TGFA: variants seen among roughly 807,000 people sequenced by gnomAD.
TGFA encodes the protein protransforming growth factor alpha.
Under a neutral mutation model 21.7 loss-of-function variants are expected in TGFA, and 12 were observed. The ratio of observed to expected loss-of-function variants is 0.55; its 90% CI spans 0.35 to 0.90. The LOEUF (loss-of-function observed/expected upper bound fraction) is 0.90, where lower values mean the gene tolerates loss of function less well. TGFA is among the 40% of genes least tolerant of loss of function. The pLI, the probability that TGFA is intolerant of heterozygous loss-of-function variation, is 0.01. For missense variants in TGFA, 178 were observed against 210.8 expected, an observed-to-expected ratio of 0.84 and a Z score of 0.96; for synonymous variants, 79 against 88.1, an observed-to-expected ratio of 0.90 and a Z score of 0.58.
chr2:70,548,927 C>T (rs1363408397), intron 1 of TGFA, among the ~76,000 whole-genome samples: 2 of 152,138 alleles, frequency 1.3e-5, no homozygotes, highest in African/African-American at 4.8e-5. Flanking sequence ...TTATACTTGA[C>T]ATTTCCTAGG....
At chr2:70,451,519 G>A (rs2103652335) in intron 5 of TGFA, among the ~76,000 whole-genome samples, 1 of 152,226 alleles carries the variant, frequency 6.6e-6, no homozygotes, top group South Asian at 2.1e-4. Context: ...CTTCAGCCCA[G>A]GTTGCCATCT....
chr2:70,477,658 A>T (rs782761589), intron 2 of TGFA, among the ~76,000 whole-genome samples: 2 of 152,178 alleles, frequency 1.3e-5, no homozygotes, highest in African/African-American at 4.8e-5. Flanking sequence ...GGCTTGGTCC[A>T]TAAGAACCTC....
intron 2 of TGFA, among the ~76,000 whole-genome samples, chr2:70,481,396 A>G (rs1671115821): frequency 6.6e-6 from 1 of 152,186 alleles, no homozygotes; most frequent in African/African-American, 2.4e-5. Flanking sequence ...AAACACATTA[A>G]CATCTGCCTC....
At chr2:70,456,219 G>T in intron 4 of TGFA, 120 bp downstream of exon 4, 1 of 1,319,170 alleles carries the variant, frequency 7.6e-7, no homozygotes, top group Non-Finnish European at 1.0e-6. Flanking sequence ...TTTCCTGACA[G>T]CACTCAGACA....
chr2:70,498,493 C>T (rs1056824202), intron 2 of TGFA, among the ~76,000 whole-genome samples: 1 of 152,072 alleles, frequency 6.6e-6, no homozygotes, highest in East Asian at 1.9e-4. Context: ...TTGGAACAGG[C>T]TGGAGAGAAA....
chr2:70,461,385 C>T (rs185756190), intron 3 of TGFA, among the ~76,000 whole-genome samples: 4 of 152,320 alleles, frequency 2.6e-5, no homozygotes, highest in African/African-American at 7.2e-5. Flanking sequence ...TCTGGGGAGG[C>T]GCCACCTTGG....
intron 1 of TGFA, among the ~76,000 whole-genome samples, chr2:70,540,369 C>G (rs993396658): frequency 6.6e-6 from 1 of 152,176 alleles, no homozygotes; most frequent in African/African-American, 2.4e-5. Context: ...AGAAACTCGA[C>G]AGACAGACCC....
intron 1 of TGFA, among the ~76,000 whole-genome samples, chr2:70,547,275 C>T (rs1309253014): frequency 1.7e-4 from 26 of 152,026 alleles, no homozygotes; most frequent in African/African-American, 6.3e-4. Flanking sequence ...ACTAGAAATG[C>T]TATAGATGAA....
At chr2:70,504,467 C>G (rs112787812) in intron 2 of TGFA, among the ~76,000 whole-genome samples, 2 of 82,930 alleles carry the variant, frequency 2.4e-5, no homozygotes, top group Non-Finnish European at 5.1e-5. Flanking sequence ...TATATATACA[C>G]ACATACATAC....
chr2:70,517,971 A>C (rs1316893637), intron 1 of TGFA, among the ~76,000 whole-genome samples: 2 of 152,382 alleles, frequency 1.3e-5, no homozygotes, highest in East Asian at 1.9e-4. Context: ...TGTGCTTAGA[A>C]AGCCAGGCTG....
intron 1 of TGFA, among the ~76,000 whole-genome samples, chr2:70,526,093 T>A: frequency 6.6e-6 from 1 of 152,128 alleles, no homozygotes; most frequent in East Asian, 1.9e-4. Flanking sequence ...GGGCCACTCA[T>A]TAGAGCCTTG....
chr2:70,487,246 A>G (rs1553496856), intron 2 of TGFA, among the ~76,000 whole-genome samples: 1 of 152,228 alleles, frequency 6.6e-6, no homozygotes, highest in African/African-American at 2.4e-5. Flanking sequence ...TGTGTGCCCA[A>G]CAGGGAATAA....
intron 2 of TGFA, among the ~76,000 whole-genome samples, chr2:70,475,020 TAG>T (rs1670880941): frequency 6.8e-6 from 1 of 146,976 alleles, no homozygotes; most frequent in African/African-American, 2.6e-5. Flanking sequence ...GGAAAAAAGA[TAG>T]AGTCAGAGAA....
intron 1 of TGFA, among the ~76,000 whole-genome samples, chr2:70,538,301 A>G (rs1165793506): frequency 6.6e-6 from 1 of 152,240 alleles, no homozygotes; most frequent in East Asian, 1.9e-4. Context: ...AGCAACCACT[A>G]TGCGGCCCAT....
intron 2 of TGFA, among the ~76,000 whole-genome samples, chr2:70,504,451 T>TACATAC (rs1671844884): frequency 1.4e-5 from 1 of 71,324 alleles, no homozygotes; most frequent in Non-Finnish European, 2.4e-5. Context: ...TATATATATA[T>TACATAC]ATATATATAT....
At chr2:70,526,375 T>A (rs979906801) in intron 1 of TGFA, among the ~76,000 whole-genome samples, 11 of 152,208 alleles carry the variant, frequency 7.2e-5, no homozygotes, top group African/African-American at 2.4e-4. Flanking sequence ...CACACGGGGA[T>A]GATGCATTTG....
intron 2 of TGFA, among the ~76,000 whole-genome samples, chr2:70,497,602 G>A (rs1195736799): frequency 1.3e-5 from 2 of 152,176 alleles, no homozygotes; most frequent in African/African-American, 2.4e-5. Context: ...TCCCAGCCCT[G>A]CTAACTTCTG....
At chr2:70,533,688 T>C (rs1553504008) in intron 1 of TGFA, among the ~76,000 whole-genome samples, 1 of 152,178 alleles carries the variant, frequency 6.6e-6, no homozygotes, top group African/African-American at 2.4e-5. Flanking sequence ...TTAACTGTGT[T>C]AACACAGTTA....
At chr2:70,547,559 A>C (rs1434120562) in intron 1 of TGFA, among the ~76,000 whole-genome samples, 222 of 145,498 alleles carry the variant, frequency 1.5e-3, no homozygotes, top group African/African-American at 5.3e-3. Context: ...AAAAAAAAAA[A>C]ACATGAAAAA....
Sources: gnomAD v4.1 joint callset for allele counts (sites outside exome capture counted in the v4.1 genomes callset) on GRCh38, gnomAD v4.1.1 for gene constraint, MANE v1.5 for transcripts, NCBI Gene and HGNC (gene_info 2026-07-23, HGNC 2026-07-21) for gene names.